Variants in MRPS25 observed in about 807,000 individuals in gnomAD.
MRPS25 encodes small ribosomal subunit protein mS25.
In MRPS25, 15 loss-of-function variants were observed where a neutral mutation model predicts 17.3. The observed-to-expected ratio is 0.87, with a 90% CI of 0.58 to 1.34. The LOEUF (loss-of-function observed/expected upper bound fraction) is 1.34. MRPS25 is among the 40% of genes most tolerant of loss of function. MRPS25 has a pLI of 0.00. For synonymous variants in MRPS25, 94 were observed against 83.3 expected (o/e 1.13, Z -0.70); for missense variants, 225 against 218.6 (o/e 1.03, Z -0.19).
At chr3:15,054,749 T>A (rs2042648521) in intron 2 of MRPS25, among the ~76,000 whole-genome samples, 1 of 151,622 alleles carries the variant, frequency 6.6e-6, no homozygotes, top group African/African-American at 2.4e-5. Context: ...AGTTCAGGAG[T>A]CACCATAACC....
At chr3:15,057,691 G>C (rs928090330) in intron 2 of MRPS25, among the ~76,000 whole-genome samples, 2 of 152,202 alleles carry the variant, frequency 1.3e-5, no homozygotes, top group South Asian at 4.1e-4. Flanking sequence ...GGGCATGTAC[G>C]TAAGTGTACA....
chr3:15,057,830 C>T (rs1461298695), intron 2 of MRPS25, among the ~76,000 whole-genome samples: 1 of 152,240 alleles, frequency 6.6e-6, no homozygotes, highest in African/African-American at 2.4e-5. Context: ...CATGCACAAA[C>T]TGCCACAGGG....
chr3:15,064,914 C>A, intron 1 of MRPS25, 147 bp downstream of exon 1: 1 of 1,027,018 alleles, frequency 9.7e-7, no homozygotes, highest in South Asian at 1.6e-5. Context: ...CAGTCTGGAC[C>A]TCTGTAAAAT....
At chr3:15,059,323 G>T in intron 2 of MRPS25, 46 bp downstream of exon 2, 2 of 1,307,968 alleles carry the variant, frequency 1.5e-6, no homozygotes, top group South Asian at 1.2e-5. Context: ...AGTCTCTCCA[G>T]GCATGTCTGG....
chr3:15,048,963 CA>C lies in MRPS25; in HGVS notation c.*3477del, dbSNP rs1377275363. 1 of 152,580 alleles carries C rather than the reference CA, an allele frequency of 6.6e-6. No individual in the cohort carries two copies. The highest frequency in any genetic ancestry group is 1.5e-5 in the Non-Finnish European group (1 of 68,046). The allele number at this position is 152,580 out of a possible 1,614,324, so 9.5% of individuals were successfully genotyped here. A position where few individuals can be genotyped will look rare whatever the true frequency, so the allele number is the denominator to read the frequency against. On this transcript the variant is annotated 3_prime_UTR_variant, in exon 4 of 4. Transcript: ENST00000253686. The stretch of plus-strand genomic sequence containing the variant: ...ATAGAAAATATTGGTTTTGCCATTA[CA>C]TTTTAATGCCAGGTTTAAAACCTGT...
Position 15,065,135 on chromosome 3 carries a change from G to A in MRPS25, c.60C>T (p.Asn20=). The change falls in exon 1 of 4, where the codon AAC becomes AAT. Residue 20 remains asparagine, a synonymous_variant. Coordinates refer to ENST00000253686, the MANE Select transcript of MRPS25 (RefSeq NM_022497.5). ...RRTLQYLSQG[N]VVFKDSVKVM... ...CCTTCACGGAGTCCTTGAACACCAC[G>A]TTCCCCTGGCTCAGATATTGCAGGG... 1 of 1,609,146 alleles carries A rather than the reference G, an allele frequency of 6.2e-7. No individual in the cohort carries two copies. The highest frequency in any genetic ancestry group is 8.5e-7 in the Non-Finnish European group (1 of 1,177,968).
In MRPS25 at chr3:15,048,669, G is replaced by A. The variant is rs1027383369; in HGVS notation, c.*3772C>T. Reference sequence around the variant, plus strand: ...GACCATAGCATTCATGGACTCAAATGCTGCTGCCACACACAACTCAAGTGC... The same window carrying A: ...GACCATAGCATTCATGGACTCAAATACTGCTGCCACACACAACTCAAGTGC... On this transcript the variant is annotated 3_prime_UTR_variant, in exon 4 of 4. Coordinates refer to ENST00000253686, the MANE Select transcript of MRPS25 (RefSeq NM_022497.5). 1 of 152,638 alleles carries A rather than the reference G, an allele frequency of 6.6e-6. No homozygotes were observed. Among genetic ancestry groups the A allele is most frequent in the Admixed American group, 6.5e-5 (1 of 15,276 alleles). The allele number at this position is 152,638 out of a possible 1,614,324, so 9.5% of individuals were successfully genotyped here.
Position 15,059,361 on chromosome 3 carries a change from C to CA in MRPS25, c.241+7_241+8insT. 6.3e-7 allele frequency: 1 copy of CA among 1,590,880 alleles called. No homozygotes were observed. The highest frequency in any genetic ancestry group is 8.6e-7 in the Non-Finnish European group (1 of 1,159,354). On this transcript the variant is annotated splice_region_variant and intron_variant, in intron 2 of 3. Transcript: ENST00000253686. Reference sequence around the variant, plus strand: ...CAGCCCCTGGACCATGGCGAGGGCCCCACTCACCTAAGTAGAATCGCAGGA... The same window carrying CA: ...CAGCCCCTGGACCATGGCGAGGGCCCACACTCACCTAAGTAGAATCGCAGGA...
downstream of MRPS25, chr3:15,042,907 A>G (rs2042320199): frequency 1.2e-6 from 2 of 1,613,970 alleles, no homozygotes; most frequent in Non-Finnish European, 1.7e-6. Context: ...ACTTTTTTTT[A>G]CTGGTCTCAT....
chr3:15,043,888 A>C (rs771565186), downstream of MRPS25: 12 of 152,240 alleles, frequency 7.9e-5, no homozygotes, highest in Admixed American at 4.6e-4. Flanking sequence ...CAGCAAGTGA[A>C]AACATCCCCA....
chr3:15,043,121 C>T, downstream of MRPS25: 2 of 1,011,544 alleles, frequency 2.0e-6, no homozygotes, highest in Non-Finnish European at 2.7e-6. Flanking sequence ...TAGCCATTTC[C>T]TGTCTGGTTT....
At chr3:15,061,927 C>A (rs865795581) in intron 1 of MRPS25, among the ~76,000 whole-genome samples, 3,227 of 147,038 alleles carry the variant, frequency 0.022, 100 homozygotes, top group African/African-American at 0.076. Flanking sequence ...AAGTGAGGAG[C>A]CCCTCCGCCC....
rs755494528 is a variant in MRPS25, at chr3:15,052,605, TCTC to T, written c.355_357del (p.Glu119del). ...TTGGCTGGGTGAGAAAGCTGCTTTTTCTCCTCCTCCTCTTCCCTGAGGGTTTCC... is the reference window on the plus strand; with the variant it reads ...TTGGCTGGGTGAGAAAGCTGCTTTTTCTCCTCCTCTTCCCTGAGGGTTTCC... On this transcript the variant is annotated inframe_deletion, in exon 4 of 4. Coordinates refer to ENST00000253686, the MANE Select transcript of MRPS25 (RefSeq NM_022497.5). 1.1e-4 allele frequency: 171 copies of T among 1,614,108 alleles called. No homozygotes were observed. The highest frequency in any genetic ancestry group is 5.8e-4 in the East Asian group (26 of 44,882).
Position 15,050,347 on chromosome 3 carries a change from G to A in MRPS25, c.*2094C>T. 1.9e-6 allele frequency: 2 copies of A among 1,059,188 alleles called. No homozygotes were observed. Among genetic ancestry groups the A allele is most frequent in the Non-Finnish European group, 2.3e-6 (2 of 878,464 alleles). The allele number at this position is 1,059,188 out of a possible 1,614,324, so 65.6% of individuals were successfully genotyped here. ...AACCCTAGTTATCTGTCCCATTAGG[G>A]ACCAGACATTTATTCTGTCTAGAGA... On this transcript the variant is annotated 3_prime_UTR_variant, in exon 4 of 4. Transcript: ENST00000253686.
rs181843967 is a variant in MRPS25 at position 15,061,629 on chromosome 3, G to T, written c.135-2154C>A. ...AGTGTCCAGAGTGCAGCCTCTGCCCGGCCACCACCCCGTCTGGGAAGTGAG... is the reference window on the plus strand; with the variant it reads ...AGTGTCCAGAGTGCAGCCTCTGCCCTGCCACCACCCCGTCTGGGAAGTGAG... On this transcript the variant is annotated intron_variant, in intron 1 of 3. Coordinates refer to ENST00000253686, the MANE Select transcript of MRPS25 (RefSeq NM_022497.5). 7.6e-4 allele frequency among the ~76,000 whole-genome samples: 116 copies of T among 152,294 alleles called. 1 individual carries two copies. In the East Asian group the frequency reaches 0.019, roughly 25 times the overall value.
chr3:15,052,388 CA>C lies in MRPS25; in HGVS notation c.*52del, dbSNP rs1478281036. The C allele has an allele frequency of 6.4e-7, 1 of 1,565,784 alleles. No individual in the cohort carries two copies. The highest frequency in any genetic ancestry group is 2.3e-5 in the East Asian group (1 of 44,178). ...TCCCTGGGCCAAAGTAATCCCATTC[CA>C]ATCTCCCCACTGGTCAGACACCATC... On this transcript the variant is annotated 3_prime_UTR_variant, in exon 4 of 4. Transcript: ENST00000253686.
rs771525885 is a variant in MRPS25, at chr3:15,052,501, T to C, written c.462A>G (p.Pro154=). ...EGQVPCPSLV[P]LPKEMRGKYK... ...ACTTCCCCCTCATCTCCTTGGGTAATGGCACCAGGCTGGGGCAGGGCACCT... is the reference window on the plus strand; with the variant it reads ...ACTTCCCCCTCATCTCCTTGGGTAACGGCACCAGGCTGGGGCAGGGCACCT... The change falls in exon 4 of 4, where the codon CCA becomes CCG. Residue 154 remains proline (P), a synonymous_variant. Coordinates refer to ENST00000253686, the MANE Select transcript of MRPS25 (RefSeq NM_022497.5). 5.0e-6 allele frequency: 8 copies of C among 1,614,164 alleles called. No individual in the cohort carries two copies. The highest frequency in any genetic ancestry group is 5.9e-6 in the Non-Finnish European group (7 of 1,180,026).
At position 15,052,283 on chromosome 3, in the gene MRPS25, C is replaced by T. The variant is rs145943452; in HGVS notation, c.*158G>A. The T allele has an allele frequency of 8.9e-4, 1,253 of 1,404,312 alleles. 11 individuals are homozygous for T. In the African/African-American group the frequency reaches 0.016, roughly 18 times the overall value. The allele number at this position is 1,404,312 out of a possible 1,614,324, so 87.0% of individuals were successfully genotyped here. A position where few individuals can be genotyped will look rare whatever the true frequency, so the allele number is the denominator to read the frequency against. On this transcript the variant is annotated 3_prime_UTR_variant, in exon 4 of 4. Coordinates refer to ENST00000253686, the MANE Select transcript of MRPS25 (RefSeq NM_022497.5). ...CAGCTCAGCTTCAGACCCTCCTCTC[C>T]CACATCCTTTTACACAGGTGTGTAA...
At chr3:15,065,021 G>A (rs1286076032) in intron 1 of MRPS25, 40 bp downstream of exon 1, 2 of 1,571,304 alleles carry the variant, frequency 1.3e-6, no homozygotes, top group Non-Finnish European at 1.7e-6. Flanking sequence ...GGCACGACTA[G>A]CAGGTTACGG....
Sources: gnomAD v4.1 joint callset for allele counts (sites outside exome capture counted in the v4.1 genomes callset) on GRCh38, gnomAD v4.1.1 for gene constraint, MANE v1.5 for transcripts, NCBI Gene and HGNC (gene_info 2026-07-23, HGNC 2026-07-21) for gene names.